The following MC4R variants were observed in gnomAD, a reference collection of about 807,000 sequenced individuals.
MC4R encodes melanocortin 4 receptor, also known as melanocortin receptor 4.
A neutral mutation model predicts 16.1 loss-of-function variants in MC4R; 15 were observed. The ratio of observed to expected loss-of-function variants is 0.93; its 90% CI spans 0.62 to 1.44. The LOEUF is 1.44. Among genes scored for constraint, MC4R ranks in the 40% most tolerant of loss-of-function variants. MC4R has a pLI of 0.00. For missense variants in MC4R, 416 were observed against 411.4 expected (o/e 1.01, Z -0.10); for synonymous variants, 162 against 151.7 (o/e 1.07, Z -0.50).
rs13447329 is a variant in MC4R, at chr18:60,372,015, G to A, written c.335C>T (p.Thr112Met). ...IVITLLNSTD[T>M]DAQSFTVNID... is the part of the protein sequence containing the mutation. ...ATTCACTGTGAAACTCTGTGCATCC[G>A]TATCTGTACTGTTTAATAGGGTGAT... The change falls in exon 1 of 1, where the codon ACG becomes ATG. Residue 112 changes from threonine (T) to methionine (M), a missense_variant. Transcript: ENST00000299766. The A allele has an allele frequency of 7.1e-4, 1,152 of 1,614,000 alleles. 1 individual carries two copies. Among genetic ancestry groups the A allele is most frequent in the Non-Finnish European group, 8.1e-4 (958 of 1,180,018 alleles).
rs150448918 is a variant in MC4R, at chr18:60,371,378, G to T, written c.972C>A (p.Gly324=). The change falls in exon 1 of 1, where the codon GGC becomes GGA. Residue 324 remains glycine, a synonymous_variant. Coordinates refer to ENST00000299766, the MANE Select transcript of MC4R (RefSeq NM_005912.3). The stretch of plus-strand genomic sequence containing the variant: ...AATATCTGCTAGACAAGTCACAAAG[G>T]CCTCCCAGGGGATAGCAACAGATGA... ...KEIICCYPLG[G]LCDLSSRY The T allele has an allele frequency of 2.5e-6, 4 of 1,614,154 alleles. No individual in the cohort carries two copies. Among genetic ancestry groups the T allele is most frequent in the South Asian group, 1.1e-5 (1 of 91,080 alleles).
In MC4R at chr18:60,371,669, A is replaced by G. The variant is rs747444659; in HGVS notation, c.681T>C (p.Ala227=). The G allele has an allele frequency of 7.4e-6, 12 of 1,614,246 alleles. No homozygotes were observed. The South Asian group carries it at 9.9e-5, about 13-fold the overall frequency. Residue 227 remains alanine, a synonymous_variant, in exon 1 of 1, where the codon GCT becomes GCC. Coordinates refer to ENST00000299766, the MANE Select transcript of MC4R (RefSeq NM_005912.3). ...LMARLHIKRI[A]VLPGTGAIRQ... ...GGATGGCACCAGTGCCGGGGAGGAC[A>G]GCAATCCTCTTAATGTGAAGCCTGG...
chr18:60,372,353 G>T lies in MC4R; in HGVS notation c.-4C>A, dbSNP rs750552209. On this transcript the variant is annotated 5_prime_UTR_variant, in exon 1 of 1. Coordinates refer to ENST00000299766, the MANE Select transcript of MC4R (RefSeq NM_005912.3). ...CACGGTGGGTGGAGTTCACCATGCT[G>T]GCAGGAGAATTCCAGTGTCCCCCTG... 1.7e-5 allele frequency: 27 copies of T among 1,613,998 alleles called. No homozygotes were observed. The highest frequency in any genetic ancestry group is 2.1e-5 in the Non-Finnish European group (25 of 1,179,994).
Position 60,371,252 on chromosome 18 carries a change from A to T in MC4R, c.*99T>A. ...AATGGATATTCTCAACCAGTACCCT[A>T]CACGGAAGAGAAAGCTGTTGCAGAA... On this transcript the variant is annotated 3_prime_UTR_variant, in exon 1 of 1. Coordinates refer to ENST00000299766, the MANE Select transcript of MC4R (RefSeq NM_005912.3). The T allele has an allele frequency of 8.0e-7, 1 of 1,251,386 alleles. No homozygotes were observed. The highest frequency in any genetic ancestry group is 1.2e-6 in the Non-Finnish European group (1 of 858,158). The allele number at this position is 1,251,386 out of a possible 1,614,324, so 77.5% of individuals were successfully genotyped here.
rs2143967037 is a variant in MC4R, at chr18:60,372,025, T to C, written c.325A>G (p.Ser109Gly). 1 of 1,614,218 alleles carries C rather than the reference T, an allele frequency of 6.2e-7. No homozygotes were observed. Among genetic ancestry groups the C allele is most frequent in the Non-Finnish European group, 8.5e-7 (1 of 1,180,042 alleles). ...SETIVITLLN[S>G]TDTDAQSFTV... is the part of the protein sequence containing the mutation. ...AAACTCTGTGCATCCGTATCTGTAC[T>C]GTTTAATAGGGTGATGACAATGGTT... Residue 109 changes from serine to glycine, a missense_variant, in exon 1 of 1, where the codon AGT (serine) becomes GGT (glycine). Physicochemically the swap from Ser to Gly is moderately conservative, Grantham distance 56. Coordinates refer to ENST00000299766, the MANE Select transcript of MC4R (RefSeq NM_005912.3).
chr18:60,372,169 C>T lies in MC4R; in HGVS notation c.181G>A (p.Glu61Lys), dbSNP rs370479598. 4.0e-5 allele frequency: 65 copies of T among 1,614,090 alleles called. No individual in the cohort carries two copies. Among genetic ancestry groups the T allele is most frequent in the Non-Finnish European group, 5.3e-5 (63 of 1,180,054 alleles). The change falls in exon 1 of 1, where the codon GAG becomes AAG. Residue 61 changes from glutamate (E) to lysine (K), a missense_variant. Glu to Lys is a moderately conservative substitution (Grantham distance 56). Transcript: ENST00000299766. The part of the protein sequence containing the change: ...FVTLGVISLL[E>K]NILVIVAIAK... Reference sequence around the variant, plus strand: ...ATTGCCACAATCACTAAGATATTCTCCAACAAGCTGATGACACCCAGAGTC... The same window carrying T: ...ATTGCCACAATCACTAAGATATTCTTCAACAAGCTGATGACACCCAGAGTC...
In MC4R at chr18:60,372,407, T is replaced by C. The variant is rs1915370392; in HGVS notation, c.-58A>G. ...TGATTTAACCTCCTGGGTCAGGGAG[T>C]CGTCTCAGTTATTTCCTCCAAGTCT... On this transcript the variant is annotated 5_prime_UTR_variant, in exon 1 of 1. Coordinates refer to ENST00000299766, the MANE Select transcript of MC4R (RefSeq NM_005912.3). 6.3e-7 allele frequency: 1 copy of C among 1,579,788 alleles called. No homozygotes were observed. Among genetic ancestry groups the C allele is most frequent in the African/African-American group, 1.3e-5 (1 of 74,086 alleles).
chr18:60,371,832 A>G lies in MC4R; in HGVS notation c.518T>C (p.Ile173Thr). Residue 173 changes from isoleucine (I) to threonine (T), a missense_variant, in exon 1 of 1, where the codon ATC becomes ACC. Coordinates refer to ENST00000299766, the MANE Select transcript of MC4R (RefSeq NM_005912.3). ...GCCTGAAACCGTGCAAGCTGCCCAG[A>G]TACAACTTATGATGATCCCAACCCG... The part of the protein sequence containing the change: ...VKRVGIIISC[I>T]WAACTVSGIL... 3.1e-6 allele frequency: 5 copies of G among 1,614,184 alleles called. No individual in the cohort carries two copies. Among genetic ancestry groups the G allele is most frequent in the Non-Finnish European group, 4.2e-6 (5 of 1,180,034 alleles).
chr18:60,371,382 C>T lies in MC4R; in HGVS notation c.968G>A (p.Gly323Glu), dbSNP rs926626133. The change falls in exon 1 of 1, where the codon GGA becomes GAA. Residue 323 changes from glycine (G) to glutamate (E), a missense_variant. Physicochemically the swap from Gly to Glu is moderately conservative, Grantham distance 98. Coordinates refer to ENST00000299766, the MANE Select transcript of MC4R (RefSeq NM_005912.3). Reference sequence around the variant, plus strand: ...TCTGCTAGACAAGTCACAAAGGCCTCCCAGGGGATAGCAACAGATGATCTC... The same window carrying T: ...TCTGCTAGACAAGTCACAAAGGCCTTCCAGGGGATAGCAACAGATGATCTC... ...FKEIICCYPL[G>E]GLCDLSSRY is the part of the protein sequence containing the mutation. 2.5e-6 allele frequency: 4 copies of T among 1,614,022 alleles called. No homozygotes were observed. The highest frequency in any genetic ancestry group is 3.3e-5 in the Admixed American group (2 of 60,004).
chr18:60,372,524 T>A lies in MC4R; in HGVS notation c.-175A>T. On this transcript the variant is annotated 5_prime_UTR_variant, in exon 1 of 1. The change creates a new upstream start codon in the 5' untranslated region. Transcript: ENST00000299766. ...AGCTTGACATGGAGTTTTTAGTCTC[T>A]TTTAGGTACGACTCTAATCATCATC... 1.5e-6 allele frequency: 1 copy of A among 685,436 alleles called. No homozygotes were observed. Among genetic ancestry groups the A allele is most frequent in the East Asian group, 2.7e-5 (1 of 36,842 alleles). The allele number at this position is 685,436 out of a possible 1,614,324, so 42.5% of individuals were successfully genotyped here. A position where few individuals can be genotyped will look rare whatever the true frequency, so the allele number is the denominator to read the frequency against.
In MC4R at chr18:60,371,738, C is replaced by T. The variant is rs1312173970; in HGVS notation, c.612G>A (p.Met204Ile). 6.2e-7 allele frequency: 1 copy of T among 1,614,190 alleles called. No individual in the cohort carries two copies. Among genetic ancestry groups the T allele is most frequent in the East Asian group, 2.2e-5 (1 of 44,876 alleles). Residue 204 changes from methionine (M) to isoleucine (I), a missense_variant, in exon 1 of 1, where the codon ATG becomes ATA. By Grantham distance (10) the Met-to-Ile change is conservative. Transcript: ENST00000299766. ...IICLITMFFTMLALMASLYVH... is the reference protein window; with the variant it reads ...IICLITMFFTILALMASLYVH... ...CATAGAGAGAAGCCATGAGAGCCAG[C>T]ATGGTGAAGAACATGGTGATGAGGC...
rs140040360 is a variant in MC4R, at chr18:60,371,817, G to A, written c.533C>T (p.Thr178Met). The part of the protein sequence containing the change: ...IIISCIWAAC[T>M]VSGILFIIYS... ...AATGATGAACAAAATGCCTGAAACC[G>A]TGCAAGCTGCCCAGATACAACTTAT... The change falls in exon 1 of 1, where the codon ACG (threonine) becomes ATG (methionine). Residue 178 changes from threonine (T) to methionine (M), a missense_variant. By Grantham distance (81) the Thr-to-Met change is moderately conservative. Transcript: ENST00000299766. 1.5e-5 allele frequency: 25 copies of A among 1,613,970 alleles called. No individual in the cohort carries two copies. Among genetic ancestry groups the A allele is most frequent in the Middle Eastern group, 1.6e-4 (1 of 6,084 alleles).
Position 60,371,554 on chromosome 18 carries a change from T to G in MC4R, c.796A>C (p.Ile266Leu), listed in dbSNP as rs776267117. Residue 266 changes from isoleucine (I) to leucine (L), a missense_variant, in exon 1 of 1, where the codon ATA becomes CTA. Ile to Leu is a conservative substitution (Grantham distance 5). Coordinates refer to ENST00000299766, the MANE Select transcript of MC4R (RefSeq NM_005912.3). ...VCWAPFFLHL[I>L]FYISCPQNPY... ...TTCTGAGGACAAGAGATGTAGAATA[T>G]TAAGTGGAGGAAGAATGGGGCCCAG... 1 of 1,614,084 alleles carries G rather than the reference T, an allele frequency of 6.2e-7. No homozygotes were observed. The highest frequency in any genetic ancestry group is 8.5e-7 in the Non-Finnish European group (1 of 1,179,994).
Position 60,372,487 on chromosome 18 carries a change from T to C in MC4R, c.-138A>G, listed in dbSNP as rs1047099764. The stretch of plus-strand genomic sequence containing the variant: ...TTGCCATGCCTGCTGTGAGTAAATG[T>C]CACAAGTCCAGAGCTTGACATGGAG... On this transcript the variant is annotated 5_prime_UTR_variant, in exon 1 of 1. Transcript: ENST00000299766. 7.3e-5 allele frequency: 63 copies of C among 859,788 alleles called. No individual in the cohort carries two copies. The African/African-American group carries it at 1.1e-3, about 14-fold the overall frequency. The allele number at this position is 859,788 out of a possible 1,614,324, so 53.3% of individuals were successfully genotyped here.
chr18:60,372,140 G>A lies in MC4R; in HGVS notation c.210C>T (p.Ala70=). 5.0e-6 allele frequency: 8 copies of A among 1,614,198 alleles called. No individual in the cohort carries two copies. Among genetic ancestry groups the A allele is most frequent in the Non-Finnish European group, 6.8e-6 (8 of 1,180,036 alleles). The change falls in exon 1 of 1, where the codon GCC becomes GCT. Residue 70 remains alanine (A), a synonymous_variant. Coordinates refer to ENST00000299766, the MANE Select transcript of MC4R (RefSeq NM_005912.3). ...TGGGTGAATGCAGATTCTTGTTCTTGGCTATTGCCACAATCACTAAGATAT... is the reference window on the plus strand; with the variant it reads ...TGGGTGAATGCAGATTCTTGTTCTTAGCTATTGCCACAATCACTAAGATAT... ...LENILVIVAI[A]KNKNLHSPMY... is the part of the protein sequence containing the mutation.
In MC4R at chr18:60,372,254, TC is replaced by T. The variant is rs1254309585; in HGVS notation, c.95del (p.Gly32GlufsTer21). ...AGCACCCTCCATCAGAGTAGCCTTT[TC>T]CAAGGGACTCACTGGCATTGCTGTG... ...RLHSNASESLGKGYSDGGCYE... is the reference protein window; with the variant it reads ...RLHSNASESLXKGYSDGGCYE... On this transcript the variant is annotated frameshift_variant, in exon 1 of 1. Coordinates refer to ENST00000299766, the MANE Select transcript of MC4R (RefSeq NM_005912.3). LOFTEE classifies it high-confidence loss of function. 6.2e-7 allele frequency: 1 copy of T among 1,614,216 alleles called. No individual in the cohort carries two copies. The highest frequency in any genetic ancestry group is 1.7e-5 in the Admixed American group (1 of 60,024).
chr18:60,371,832 A>T lies in MC4R; in HGVS notation c.518T>A (p.Ile173Asn). The change falls in exon 1 of 1, where the codon ATC becomes AAC. Residue 173 changes from isoleucine to asparagine, a missense_variant. Ile to Asn is a moderately radical substitution (Grantham distance 149, BLOSUM62 -3). Transcript: ENST00000299766. Reference sequence around the variant, plus strand: ...GCCTGAAACCGTGCAAGCTGCCCAGATACAACTTATGATGATCCCAACCCG... The same window carrying T: ...GCCTGAAACCGTGCAAGCTGCCCAGTTACAACTTATGATGATCCCAACCCG... ...VKRVGIIISC[I>N]WAACTVSGIL... 6.2e-7 allele frequency: 1 copy of T among 1,614,184 alleles called. No individual in the cohort carries two copies. The highest frequency in any genetic ancestry group is 8.5e-7 in the Non-Finnish European group (1 of 1,180,034).
rs748446962 is a variant in MC4R, at chr18:60,372,379, A to G, written c.-30T>C. 2 of 1,612,506 alleles carry G rather than the reference A, an allele frequency of 1.2e-6. No individual in the cohort carries two copies. The highest frequency in any genetic ancestry group is 2.7e-5 in the African/African-American group (2 of 74,904). ...GCAGGAGAATTCCAGTGTCCCCCTG[A>G]ATTGATTTAACCTCCTGGGTCAGGG... On this transcript the variant is annotated 5_prime_UTR_variant, in exon 1 of 1. Coordinates refer to ENST00000299766, the MANE Select transcript of MC4R (RefSeq NM_005912.3).
chr18:60,372,045 A>T lies in MC4R; in HGVS notation c.305T>A (p.Ile102Asn). 1.9e-6 allele frequency: 3 copies of T among 1,614,206 alleles called. No individual in the cohort carries two copies. The highest frequency in any genetic ancestry group is 1.3e-5 in the African/African-American group (1 of 75,054). ...LVSVSNGSET[I>N]VITLLNSTDT... ...TGTACTGTTTAATAGGGTGATGACA[A>T]TGGTTTCTGATCCATTTGAAACGCT... The change falls in exon 1 of 1, where the codon ATT (isoleucine) becomes AAT (asparagine). Residue 102 changes from isoleucine to asparagine, a missense_variant. Coordinates refer to ENST00000299766, the MANE Select transcript of MC4R (RefSeq NM_005912.3).
Sources: gnomAD v4.1 joint callset for allele counts on GRCh38, gnomAD v4.1.1 for gene constraint, MANE v1.5 for transcripts, NCBI Gene and HGNC (gene_info 2026-07-23, HGNC 2026-07-21) for gene names.